Variants in RYR3 observed in about 807,000 individuals in gnomAD.
The protein encoded by RYR3 is brain ryanodine receptor-calcium release channel.
RYR3 carries 207 observed loss-of-function variants against 584.3 expected under a neutral mutation model. That is an observed-to-expected ratio of 0.35 (90% CI 0.32 to 0.40). RYR3 has a LOEUF of 0.40. Ranked by LOEUF, RYR3 falls within the 10% of genes least tolerant of loss-of-function variation. The pLI, the probability that RYR3 is intolerant of heterozygous loss-of-function variation, is 1.00. For synonymous variants in RYR3, 2,416 were observed against 2,248.5 expected (o/e 1.07, Z -2.11); for missense variants, 5,616 against 6,089.2 (o/e 0.92, Z 2.59).
At chr15:33,471,183 G>C (rs552327756) in intron 1 of RYR3, among the ~76,000 whole-genome samples, 23 of 152,342 alleles carry the variant, frequency 1.5e-4, no homozygotes, top group African/African-American at 5.1e-4. Flanking sequence ...TGCCACTCCA[G>C]GTGGTGTCTG....
At chr15:33,594,909 C>T (rs550035955) in intron 16 of RYR3, among the ~76,000 whole-genome samples, 1 of 152,108 alleles carries the variant, frequency 6.6e-6, no homozygotes, top group African/African-American at 2.4e-5. Context: ...CAGGAGTTTT[C>T]CATAATTTTG....
At chr15:33,539,620 C>T (rs980518138) in intron 6 of RYR3, among the ~76,000 whole-genome samples, 158 bp downstream of exon 6, 2 of 152,038 alleles carry the variant, frequency 1.3e-5, no homozygotes, top group Admixed American at 1.3e-4. Flanking sequence ...GGGATGCTGA[C>T]CCCCTGGCAC....
At position 33,530,553 on chromosome 15, in the gene RYR3, A is replaced by G. The variant is rs779556877; in HGVS notation, c.280-39A>G. 10 of 1,453,252 alleles carry G rather than the reference A, an allele frequency of 6.9e-6. No individual in the cohort carries two copies. In the African/African-American group the frequency reaches 9.7e-5, roughly 14 times the overall value. The allele number at this position is 1,453,252 out of a possible 1,614,324, so 90.0% of individuals were successfully genotyped here. On this transcript the variant is annotated intron_variant, in intron 3 of 103. Transcript: ENST00000634891. ...TTGCTTGGCTCCCGGAGAAGCCACA[A>G]CGGGCATGTGCTGACCTTATTCTTC...
At chr15:33,330,774 G>A (rs1970287563) in intron 1 of RYR3, among the ~76,000 whole-genome samples, 1 of 152,098 alleles carries the variant, frequency 6.6e-6, no homozygotes, top group African/African-American at 2.4e-5. Flanking sequence ...CTAGTCCCAG[G>A]GTTATCAATC....
rs764863999 is a variant in RYR3 at position 33,813,562 on chromosome 15, T to C, written c.10485T>C (p.Pro3495=). 83 of 1,613,716 alleles carry C rather than the reference T, an allele frequency of 5.1e-5. 2 individuals carry two copies. The highest frequency in any genetic ancestry group is 1.5e-5 in the Non-Finnish European group (18 of 1,179,768). Residue 3495 remains proline (P), a synonymous_variant, in exon 74 of 104, where the codon CCT becomes CCC. Transcript: ENST00000634891. ...TGGTGGCCTGTTTCAGGATGGCCCC[T>C]CTCTACAACCTGCCCAGGCAAGTAT... ...RAVVACFRMA[P]LYNLPRHRSI... is the part of the protein sequence containing the mutation.
At chr15:33,801,703 C>T (rs916034899) in intron 68 of RYR3, among the ~76,000 whole-genome samples, 166 bp from the exon 69 acceptor site, 1 of 152,080 alleles carries the variant, frequency 6.6e-6, no homozygotes, top group Non-Finnish European at 1.5e-5. Context: ...ATGAGACATG[C>T]CTGACCCCCT....
chr15:33,819,562 T>C (rs1178761141), intron 76 of RYR3, among the ~76,000 whole-genome samples, 194 bp from the exon 77 acceptor site: 1 of 151,904 alleles, frequency 6.6e-6, no homozygotes, highest in Non-Finnish European at 1.5e-5. Context: ...TAATCCCAGC[T>C]ACTGGGGAGG....
At position 33,613,332 on chromosome 15, in the gene RYR3, G is replaced by C; in HGVS notation, c.2314G>C (p.Asp772His). The part of the protein sequence containing the change: ...VQGMFENFNT[D>H]GLFFPVMSFS... Reference sequence around the variant, plus strand: ...GGGGATGTTTGAGAACTTCAACACAGACGGGCTCTTCTTCCCTGTGATGAG... The same window carrying C: ...GGGGATGTTTGAGAACTTCAACACACACGGGCTCTTCTTCCCTGTGATGAG... The change falls in exon 19 of 104, where the codon GAC (aspartate) becomes CAC (histidine). Residue 772 changes from aspartate (D) to histidine (H), a missense_variant. Transcript: ENST00000634891. 1 of 1,613,172 alleles carries C rather than the reference G, an allele frequency of 6.2e-7. No homozygotes were observed. Among genetic ancestry groups the C allele is most frequent in the Non-Finnish European group, 8.5e-7 (1 of 1,179,402 alleles).
chr15:33,489,825 G>A (rs2050814587), intron 2 of RYR3, among the ~76,000 whole-genome samples: 2 of 152,170 alleles, frequency 1.3e-5, no homozygotes, highest in Non-Finnish European at 2.9e-5. Flanking sequence ...CCAACGGTGT[G>A]TAAGTATTCC....
chr15:33,492,795 A>G (rs2051083933), intron 2 of RYR3, among the ~76,000 whole-genome samples: 1 of 152,062 alleles, frequency 6.6e-6, no homozygotes, highest in Admixed American at 6.6e-5. Context: ...GTCAGCCTTC[A>G]GTTCCAGTTT....
intron 86 of RYR3, 23 bp from the exon 87 acceptor site, chr15:33,834,945 T>C (rs1567277621): frequency 6.2e-7 from 1 of 1,602,526 alleles, no homozygotes; most frequent in South Asian, 1.1e-5. Context: ...TTAAGTGACA[T>C]AAGAATGTCC....
chr15:33,340,051 T>G (rs1039094677), intron 1 of RYR3, among the ~76,000 whole-genome samples: 1 of 152,232 alleles, frequency 6.6e-6, no homozygotes, highest in Non-Finnish European at 1.5e-5. Flanking sequence ...GTTTGGCCAC[T>G]GCCCTTCCTA....
chr15:33,655,760 C>T (rs1487143412), intron 32 of RYR3, among the ~76,000 whole-genome samples: 1 of 152,250 alleles, frequency 6.6e-6, no homozygotes, highest in African/African-American at 2.4e-5. Flanking sequence ...GCCCCCTTCT[C>T]ATTCCAGGCG....
Position 33,652,882 on chromosome 15 carries a change from A to G in RYR3, c.4307A>G (p.Gln1436Arg), listed in dbSNP as rs765877934. ...ANGKELGTCYQVEPNTKVFPA... is the reference protein window; with the variant it reads ...ANGKELGTCYRVEPNTKVFPA... Reference sequence around the variant, plus strand: ...GGAAAGGAACTGGGCACCTGCTACCAGGTAAGGGCGGCTTCTGGGGCCGAA... The same window carrying G: ...GGAAAGGAACTGGGCACCTGCTACCGGGTAAGGGCGGCTTCTGGGGCCGAA... Residue 1436 changes from glutamine to arginine, a missense_variant and splice_region_variant, in exon 32 of 104, where the codon CAG (glutamine) becomes CGG (arginine). Physicochemically the swap from Gln to Arg is conservative, Grantham distance 43. Coordinates refer to ENST00000634891, the MANE Select transcript of RYR3 (RefSeq NM_001036.6). The G allele has an allele frequency of 6.2e-7, 1 of 1,604,978 alleles. No homozygotes were observed. The highest frequency in any genetic ancestry group is 8.5e-7 in the Non-Finnish European group (1 of 1,175,446).
intron 26 of RYR3, 24 bp downstream of exon 26, chr15:33,635,843 A>T (rs1262789080): frequency 3.2e-6 from 5 of 1,584,662 alleles, no homozygotes; most frequent in Non-Finnish European, 4.3e-6. Context: ...TCTAGCAAAC[A>T]CCCATCCTCA....
At chr15:33,342,498 T>C (rs561148071) in intron 1 of RYR3, among the ~76,000 whole-genome samples, 1 of 152,212 alleles carries the variant, frequency 6.6e-6, no homozygotes, top group Non-Finnish European at 1.5e-5. Flanking sequence ...TGACTAAGTA[T>C]TGAAAATATA....
At chr15:33,736,457 C>A in intron 49 of RYR3, 132 bp downstream of exon 49, 1 of 599,710 alleles carries the variant, frequency 1.7e-6, no homozygotes, top group Non-Finnish European at 2.9e-6. Flanking sequence ...TGATGGTTAG[C>A]TAACAAGATA....
chr15:33,419,908 T>C (rs556789672), intron 1 of RYR3, among the ~76,000 whole-genome samples: 1 of 152,300 alleles, frequency 6.6e-6, no homozygotes, highest in South Asian at 2.1e-4. Flanking sequence ...TTTGCCTGCA[T>C]AAGCAGCGTA....
At chr15:33,714,262 A>T (rs986946244) in intron 43 of RYR3, among the ~76,000 whole-genome samples, 2 of 152,192 alleles carry the variant, frequency 1.3e-5, no homozygotes, top group African/African-American at 4.8e-5. Context: ...AATTTTAAAA[A>T]TTTTAAGCCA....
Sources: allele counts gnomAD v4.1 joint callset (sites outside exome capture counted in the v4.1 genomes callset), GRCh38; gene constraint gnomAD v4.1.1; transcripts MANE v1.5; gene names NCBI Gene and HGNC (gene_info 2026-07-23, HGNC 2026-07-21).